IGF2BP2: variants seen among roughly 807,000 people sequenced by gnomAD.
The protein encoded by IGF2BP2 is insulin like growth factor 2 mRNA binding protein 2, also known as insulin-like growth factor 2 mRNA-binding protein 2.
Under a neutral mutation model 75.8 loss-of-function variants are expected in IGF2BP2, and 17 were observed. That is an observed-to-expected ratio of 0.22 (90% CI 0.15 to 0.34). IGF2BP2 has a LOEUF of 0.34. Among genes scored for constraint, IGF2BP2 ranks in the 10% least tolerant of loss-of-function variants. The pLI, the probability that IGF2BP2 is intolerant of heterozygous loss-of-function variation, is 1.00. For missense variants in IGF2BP2, 516 were observed against 772.4 expected (o/e 0.67, Z 3.93); for synonymous variants, 288 against 295.6 (o/e 0.97, Z 0.26).
chr3:185,713,243 G>A, intron 2 of IGF2BP2: 1 of 352,758 alleles, frequency 2.8e-6, no homozygotes, highest in South Asian at 2.2e-5. Context: ...CAGAACTCTG[G>A]CCCATAACTC....
chr3:185,720,948 A>G (rs1726434953), intron 2 of IGF2BP2, among the ~76,000 whole-genome samples: 1 of 152,204 alleles, frequency 6.6e-6, no homozygotes, highest in African/African-American at 2.4e-5. Flanking sequence ...TTCAAGGGTA[A>G]TGTGGTCAAA....
chr3:185,705,825 T>G (rs534474813), intron 2 of IGF2BP2, among the ~76,000 whole-genome samples: 1 of 152,320 alleles, frequency 6.6e-6, no homozygotes, highest in African/African-American at 2.4e-5. Context: ...ATCCCCTTCA[T>G]GAGGGTTCCA....
chr3:185,810,384 A>C (rs1471779275), intron 2 of IGF2BP2, among the ~76,000 whole-genome samples: 1 of 152,228 alleles, frequency 6.6e-6, no homozygotes, highest in Non-Finnish European at 1.5e-5. Flanking sequence ...TAACCAAAAC[A>C]CTTTTCAAAC....
chr3:185,659,596 G>A (rs1348995612), intron 10 of IGF2BP2, among the ~76,000 whole-genome samples: 6 of 151,792 alleles, frequency 4.0e-5, no homozygotes, highest in South Asian at 2.1e-4. Context: ...GGCTGGTCTC[G>A]TACTCCTGAC....
intron 2 of IGF2BP2, among the ~76,000 whole-genome samples, chr3:185,746,750 A>G (rs1730300904): frequency 1.3e-5 from 2 of 152,264 alleles, no homozygotes; most frequent in South Asian, 4.1e-4. Context: ...TTCCATTTAA[A>G]TGGTAGATTC....
intron 12 of IGF2BP2, 45 bp downstream of exon 12, chr3:185,657,241 G>T: frequency 7.5e-7 from 1 of 1,326,268 alleles, no homozygotes; most frequent in Non-Finnish European, 1.1e-6. Context: ...CGTGGGATGA[G>T]AGGAGGTGGT....
chr3:185,712,736 A>G (rs963374987), intron 2 of IGF2BP2: 8 of 152,138 alleles, frequency 5.3e-5, no homozygotes, highest in Non-Finnish European at 1.2e-4. Flanking sequence ...GGAAAAAAAA[A>G]AACAATAATC....
At chr3:185,708,084 C>T (rs898290000) in intron 2 of IGF2BP2, among the ~76,000 whole-genome samples, 3 of 152,194 alleles carry the variant, frequency 2.0e-5, no homozygotes, top group Non-Finnish European at 4.4e-5. Context: ...AAGCCTTACC[C>T]TTTTGAACTA....
At chr3:185,708,679 C>T (rs1724391107) in intron 2 of IGF2BP2, among the ~76,000 whole-genome samples, 2 of 152,024 alleles carry the variant, frequency 1.3e-5, no homozygotes, top group African/African-American at 4.8e-5. Flanking sequence ...AGGGCAGTGC[C>T]CAGCCTCATG....
At chr3:185,703,565 T>C (rs187213003) in intron 2 of IGF2BP2, among the ~76,000 whole-genome samples, 1 of 148,188 alleles carries the variant, frequency 6.7e-6, no homozygotes, top group Admixed American at 6.7e-5. Flanking sequence ...AGGTCAGGAG[T>C]TCGAGACCAG....
At chr3:185,687,454 C>A (rs1450207574) in intron 6 of IGF2BP2, among the ~76,000 whole-genome samples, 1 of 152,184 alleles carries the variant, frequency 6.6e-6, no homozygotes, top group Non-Finnish European at 1.5e-5. Flanking sequence ...TAAGCCAACT[C>A]AGTAATGAAG....
At chr3:185,766,276 A>G (rs1007845006) in intron 2 of IGF2BP2, among the ~76,000 whole-genome samples, 1 of 152,232 alleles carries the variant, frequency 6.6e-6, no homozygotes, top group African/African-American at 2.4e-5. Flanking sequence ...TTAAGGCAAA[A>G]CAATTTAAAA....
chr3:185,704,095 T>A (rs1453813966), intron 2 of IGF2BP2, among the ~76,000 whole-genome samples: 1 of 152,112 alleles, frequency 6.6e-6, no homozygotes, highest in Non-Finnish European at 1.5e-5. Flanking sequence ...CATGCGGGAT[T>A]CTACCCAAAT....
intron 2 of IGF2BP2, chr3:185,729,792 T>C (rs1192461941): frequency 6.6e-6 from 1 of 152,236 alleles, no homozygotes; most frequent in Admixed American, 6.5e-5. Flanking sequence ...CAATTACATA[T>C]CTGGATGAAC....
intron 2 of IGF2BP2, among the ~76,000 whole-genome samples, chr3:185,715,023 C>A (rs1167375829): frequency 1.3e-5 from 2 of 152,162 alleles, no homozygotes; most frequent in Non-Finnish European, 2.9e-5. Context: ...GCCGCACTGC[C>A]AAGGGACAAG....
At chr3:185,674,626 G>C (rs1023875227) in intron 9 of IGF2BP2, among the ~76,000 whole-genome samples, 2 of 152,022 alleles carry the variant, frequency 1.3e-5, no homozygotes, top group African/African-American at 4.8e-5. Flanking sequence ...AAGCAAGGGA[G>C]GAAAATCAGA....
intron 1 of IGF2BP2, among the ~76,000 whole-genome samples, chr3:185,824,046 C>G (rs1053731079): frequency 2.4e-4 from 37 of 152,034 alleles, no homozygotes; most frequent in African/African-American, 8.9e-4. Flanking sequence ...GCCCCCAGCC[C>G]CGAGTTCTTC....
At chr3:185,658,988 G>A (rs1016032903) in intron 10 of IGF2BP2, among the ~76,000 whole-genome samples, 1 of 152,178 alleles carries the variant, frequency 6.6e-6, no homozygotes, top group Non-Finnish European at 1.5e-5. Flanking sequence ...TCTGAAATGG[G>A]AGGATCACTT....
chr3:185,646,150 G>C (rs1476590735), intron 15 of IGF2BP2, among the ~76,000 whole-genome samples: 2 of 152,210 alleles, frequency 1.3e-5, no homozygotes, highest in African/African-American at 2.4e-5. Context: ...GTAGGAACAG[G>C]CTGTTCAGAC....
Sources: gnomAD v4.1 joint callset for allele counts (sites outside exome capture counted in the v4.1 genomes callset) on GRCh38, gnomAD v4.1.1 for gene constraint, MANE v1.5 for transcripts, NCBI Gene and HGNC (gene_info 2026-07-23, HGNC 2026-07-21) for gene names.